DLGAP1: variants seen among roughly 807,000 people sequenced by gnomAD.
DLGAP1 encodes disks large-associated protein 1.
DLGAP1 carries 11 observed loss-of-function variants against 90.8 expected under a neutral mutation model. The ratio of observed to expected loss-of-function variants is 0.12; its 90% CI spans 0.08 to 0.20. DLGAP1 has a LOEUF of 0.20. DLGAP1 is among the 10% of genes least tolerant of loss of function. The probability of loss-of-function intolerance (pLI) is 1.00; values close to 1 mark genes in which losing one functional copy is unlikely to be tolerated. For synonymous variants in DLGAP1, 558 were observed against 540.7 expected (o/e 1.03, Z -0.44); for missense variants, 1,050 against 1,333.8 (o/e 0.79, Z 3.31).
intron 7 of DLGAP1, among the ~76,000 whole-genome samples, chr18:3,694,300 G>T (rs1202033568): frequency 6.6e-6 from 1 of 152,126 alleles, no homozygotes; most frequent in Non-Finnish European, 1.5e-5. Flanking sequence ...ATGGGCATTT[G>T]GGTTGGTTCC....
chr18:3,708,902 G>A (rs987025663), intron 7 of DLGAP1, among the ~76,000 whole-genome samples: 1 of 152,148 alleles, frequency 6.6e-6, no homozygotes, highest in African/African-American at 2.4e-5. Context: ...TTTAAAAACA[G>A]ATTTTTCAGG....
intron 4 of DLGAP1, among the ~76,000 whole-genome samples, chr18:3,865,042 C>A (rs2070304962): frequency 6.6e-6 from 1 of 151,964 alleles, no homozygotes; most frequent in Non-Finnish European, 1.5e-5. Flanking sequence ...TGAGAGATAA[C>A]CATCTGGTCT....
intron 1 of DLGAP1, among the ~76,000 whole-genome samples, chr18:4,202,053 CA>C (rs2077618208): frequency 1.3e-5 from 2 of 151,652 alleles, no homozygotes; most frequent in African/African-American, 2.4e-5. Flanking sequence ...TTCATAATTG[CA>C]AAAATATGAA....
intron 1 of DLGAP1, among the ~76,000 whole-genome samples, chr18:4,435,002 T>G (rs1231523244): frequency 1.3e-5 from 2 of 152,222 alleles, no homozygotes; most frequent in Non-Finnish European, 2.9e-5. Context: ...AATGGCACAC[T>G]ACAAACTTGA....
intron 3 of DLGAP1, among the ~76,000 whole-genome samples, chr18:3,943,295 G>A (rs2072808099): frequency 6.6e-6 from 1 of 152,134 alleles, no homozygotes; most frequent in Admixed American, 6.5e-5. Context: ...AACTTCGCTT[G>A]GATGTTTGGA....
intron 1 of DLGAP1, among the ~76,000 whole-genome samples, chr18:4,167,208 T>C (rs1488364723): frequency 6.6e-6 from 1 of 152,150 alleles, no homozygotes; most frequent in Admixed American, 6.5e-5. Context: ...TTATCTTAAA[T>C]ATAAATTATC....
intron 1 of DLGAP1, among the ~76,000 whole-genome samples, chr18:4,323,874 G>A (rs905068845): frequency 6.6e-6 from 1 of 152,136 alleles, no homozygotes; most frequent in Non-Finnish European, 1.5e-5. Context: ...AGCTAAGGCA[G>A]TGTTAACAAC....
intron 9 of DLGAP1, among the ~76,000 whole-genome samples, chr18:3,539,245 ATTTC>A (rs2052551263): frequency 1.3e-5 from 2 of 152,322 alleles, no homozygotes; most frequent in East Asian, 3.9e-4. Context: ...CCCTAGATTA[ATTTC>A]TTTATTTTTT....
intron 1 of DLGAP1, among the ~76,000 whole-genome samples, chr18:4,228,765 CT>C (rs138556260): frequency 9.3e-4 from 141 of 152,054 alleles, no homozygotes; most frequent in African/African-American, 3.2e-3. Flanking sequence ...AAAGCCTAGC[CT>C]CTAAGATCTG....
chr18:4,449,326 G>A (rs917101989), intron 1 of DLGAP1, among the ~76,000 whole-genome samples: 1 of 152,168 alleles, frequency 6.6e-6, no homozygotes, highest in Non-Finnish European at 1.5e-5. Context: ...CTGCTTGCCA[G>A]CAGAGTGCAT....
chr18:3,740,488 A>G (rs1276068981), intron 6 of DLGAP1, among the ~76,000 whole-genome samples: 1 of 151,470 alleles, frequency 6.6e-6, no homozygotes, highest in Non-Finnish European at 1.5e-5. Flanking sequence ...CTCCCTCCCT[A>G]CTCTGCCCTT....
At chr18:3,791,964 C>T (rs546084747) in intron 5 of DLGAP1, among the ~76,000 whole-genome samples, 2 of 152,276 alleles carry the variant, frequency 1.3e-5, no homozygotes, top group South Asian at 4.2e-4. Flanking sequence ...TTTTTAACAG[C>T]AAAGTAATGT....
At chr18:4,077,510 G>A (rs548340782) in intron 2 of DLGAP1, among the ~76,000 whole-genome samples, 5 of 152,208 alleles carry the variant, frequency 3.3e-5, no homozygotes, top group East Asian at 3.9e-4. Flanking sequence ...CAGGGGTGGG[G>A]AGCTGTGAGT....
intron 5 of DLGAP1, among the ~76,000 whole-genome samples, chr18:3,804,236 T>C (rs2066462186): frequency 6.6e-6 from 1 of 152,088 alleles, no homozygotes; most frequent in African/African-American, 2.4e-5. Flanking sequence ...CTGCCTGCCC[T>C]GGCCTCCCAA....
intron 1 of DLGAP1, among the ~76,000 whole-genome samples, chr18:4,325,369 C>A (rs1343424485): frequency 6.6e-6 from 1 of 151,918 alleles, no homozygotes; most frequent in Non-Finnish European, 1.5e-5. Flanking sequence ...ATGATACAAA[C>A]AAATGAAAAA....
chr18:3,626,297 GA>G (rs61225561), intron 7 of DLGAP1, among the ~76,000 whole-genome samples: 53,128 of 127,712 alleles, frequency 0.42, 10,273 homozygotes, highest in East Asian at 0.55. Flanking sequence ...TCTCAAAAAA[GA>G]AAAAAAAAAA....
At position 4,185,955 on chromosome 18, in the gene DLGAP1, A is replaced by G. The variant is rs549149680; in HGVS notation, c.-266-34668T>C. 1.4e-4 allele frequency among the ~76,000 whole-genome samples: 22 copies of G among 151,988 alleles called. 1 individual carries two copies. Among genetic ancestry groups the G allele is most frequent in the African/African-American group, 4.3e-4 (18 of 41,494 alleles). ...CAACCTCGCCAGCATTTGTTTTTTG[A>G]CTTTTTAATAATAGCCATTCTGACC... On this transcript the variant is annotated intron_variant, in intron 1 of 12. Transcript: ENST00000315677.
At position 4,298,475 on chromosome 18, in the gene DLGAP1, G is replaced by T. The variant is rs955720950; in HGVS notation, c.-266-147188C>A. Among the ~76,000 whole-genome samples the T allele has an allele frequency of 2.6e-5, 4 of 152,264 alleles. No individual in the cohort carries two copies. In the East Asian group the frequency reaches 5.8e-4, roughly 22 times the overall value. ...ATGATGAGTTCATGTCCTTTGTAGG[G>T]ACATGGATGAAATTGGAAATCATCA... On this transcript the variant is annotated intron_variant, in intron 1 of 12. Transcript: ENST00000315677.
Position 3,660,220 on chromosome 18 carries a change from C to T in DLGAP1, c.1591+68915G>A, listed in dbSNP as rs1180987490. Among the ~76,000 whole-genome samples, 1 of 152,100 alleles carries T rather than the reference C, an allele frequency of 6.6e-6. No homozygotes were observed. The highest frequency in any genetic ancestry group is 2.4e-5 in the African/African-American group (1 of 41,402). ...GTGGGGGTCTCACTTTGTTGGCCAG[C>T]CTGGCCTTGAACTTCTGATTTCAAG... On this transcript the variant is annotated intron_variant, in intron 7 of 12. Transcript: ENST00000315677. This position sits in a 1 kb window ranked among gnomAD's most constrained non-coding sequence, Gnocchi z 4.2.
Sources: gnomAD v4.1 joint callset for allele counts (sites outside exome capture counted in the v4.1 genomes callset) on GRCh38, gnomAD v4.1.1 for gene constraint, Gnocchi (gnomAD v3.1) non-coding constraint, MANE v1.5 for transcripts, NCBI Gene and HGNC (gene_info 2026-07-23, HGNC 2026-07-21) for gene names.